Variants in DSCAML1 observed in about 807,000 individuals in gnomAD.
DSCAML1 encodes the protein cell adhesion molecule DSCAML1.
Under a neutral mutation model 200.5 loss-of-function variants are expected in DSCAML1, and 38 were observed. That is an observed-to-expected ratio of 0.19 (90% confidence interval 0.15 to 0.25). The LOEUF is 0.25. Among genes scored for constraint, DSCAML1 ranks in the 10% least tolerant of loss-of-function variants. The pLI, the probability that DSCAML1 is intolerant of heterozygous loss-of-function variation, is 1.00. For synonymous variants in DSCAML1, 1,215 were observed against 1,165.0 expected, an observed-to-expected ratio of 1.04 and a Z score of -0.87; for missense variants, 2,223 against 2,858.8, an observed-to-expected ratio of 0.78 and a Z score of 5.07.
At chr11:117,715,414 T>C (rs4245173) in intron 3 of DSCAML1, among the ~76,000 whole-genome samples, 145,119 of 152,246 alleles carry the variant, frequency 0.95, 69,336 homozygotes, top group South Asian at 0.99. Flanking sequence ...TAGAAGTTAA[T>C]GCACTTCAAT....
At chr11:117,630,888 C>T (rs10790197) in intron 3 of DSCAML1, among the ~76,000 whole-genome samples, 53,778 of 151,852 alleles carry the variant, frequency 0.35, 10,570 homozygotes, top group Admixed American at 0.53. Flanking sequence ...CTCAGCAGGT[C>T]GCATGAACTC....
Position 117,518,810 on chromosome 11 carries a change from A to C in DSCAML1, c.1214-48T>G. The C allele has an allele frequency of 6.4e-7, 1 of 1,559,756 alleles. No homozygotes were observed. ...TTCAGGGTCACCAAGCCATGGAGAG[A>C]CGGTCCCCCCAGCCACCCCACCTCA... On this transcript the variant is annotated intron_variant, in intron 6 of 32. Coordinates refer to ENST00000651296, the MANE Select transcript of DSCAML1 (RefSeq NM_020693.4). This position sits in a 1 kb window ranked among gnomAD's most constrained non-coding sequence, Gnocchi z 6.3.
rs747091305 is a variant in DSCAML1 at position 117,437,074 on chromosome 11, C to T, written c.4720+48G>A. On this transcript the variant is annotated intron_variant, in intron 26 of 32. Transcript: ENST00000651296. The surrounding 1 kb of genome is among the most constrained non-coding windows in gnomAD (Gnocchi z 5.3). ...TGCCACTCTGCCCACTTCCTTCGCA[C>T]CACCCTGCTCCAGCCTCTGTACCAT... 1.3e-6 allele frequency: 2 copies of T among 1,569,850 alleles called. No homozygotes were observed. The highest frequency in any genetic ancestry group is 1.7e-6 in the Non-Finnish European group (2 of 1,155,614).
chr11:117,704,080 GGAA>G (rs951346018), intron 3 of DSCAML1, among the ~76,000 whole-genome samples: 1 of 145,888 alleles, frequency 6.9e-6, no homozygotes, highest in African/African-American at 2.5e-5. Flanking sequence ...GAAAATGAGA[GGAA>G]GAAGGAGAAA....
intron 3 of DSCAML1, among the ~76,000 whole-genome samples, chr11:117,602,860 A>C (rs2051490240): frequency 6.6e-6 from 1 of 152,088 alleles, no homozygotes; most frequent in African/African-American, 2.4e-5. Flanking sequence ...GCACTTTGGG[A>C]AGCCGAGACA....
rs532838551 is a variant in DSCAML1, at chr11:117,505,695, G to A, written c.1821C>T (p.Ala607=). The change falls in exon 9 of 33, where the codon GCC becomes GCT. Residue 607 remains alanine (A), a synonymous_variant. Coordinates refer to ENST00000651296, the MANE Select transcript of DSCAML1 (RefSeq NM_020693.4). This position sits in a 1 kb window ranked among gnomAD's most constrained non-coding sequence, Gnocchi z 6.7. Reference sequence around the variant, plus strand: ...GAATGTAGAGCAGCTGGCCGATGGAGGCGGGTGGGAATTCGAAGGGCTGGA... The same window carrying A: ...GAATGTAGAGCAGCTGGCCGATGGAAGCGGGTGGGAATTCGAAGGGCTGGA... ...PLIQPFEFPP[A]SIGQLLYIPC... The A allele has an allele frequency of 5.3e-4, 858 of 1,613,070 alleles. 13 individuals are homozygous for A. In the South Asian group the frequency reaches 8.7e-3, roughly 16 times the overall value.
At chr11:117,730,488 C>T (rs1048470618) in intron 3 of DSCAML1, among the ~76,000 whole-genome samples, 4 of 152,198 alleles carry the variant, frequency 2.6e-5, no homozygotes, top group Middle Eastern at 3.2e-3. Context: ...TAAGCCACTA[C>T]ATTTGTGGTA....
At chr11:117,603,407 A>T (rs1323920576) in intron 3 of DSCAML1, among the ~76,000 whole-genome samples, 2 of 152,180 alleles carry the variant, frequency 1.3e-5, no homozygotes, top group Non-Finnish European at 2.9e-5. Context: ...GCTTATTTGG[A>T]TCTTTGCTCC....
chr11:117,738,949 T>G (rs1198401762), intron 3 of DSCAML1, among the ~76,000 whole-genome samples: 1 of 152,102 alleles, frequency 6.6e-6, no homozygotes, highest in Non-Finnish European at 1.5e-5. Context: ...ACTAGAACAG[T>G]CCACCAGAAG....
At chr11:117,659,545 C>T (rs927259729) in intron 3 of DSCAML1, among the ~76,000 whole-genome samples, 5 of 152,126 alleles carry the variant, frequency 3.3e-5, no homozygotes, top group East Asian at 1.9e-4. Context: ...TGTTTAAGCA[C>T]GGGTCTTATT....
In DSCAML1 at chr11:117,780,975, G is replaced by A. The variant is rs1333397787; in HGVS notation, c.47-165C>T. On this transcript the variant is annotated intron_variant, in intron 1 of 32. Coordinates refer to ENST00000651296, the MANE Select transcript of DSCAML1 (RefSeq NM_020693.4). The surrounding 1 kb of genome is among the most constrained non-coding windows in gnomAD (Gnocchi z 4.8). ...GACTATACACCAGGCACTGGCAAAG[G>A]TGAATCAGAGACAGTTCCTGATCTA... Among the ~76,000 whole-genome samples the A allele has an allele frequency of 6.6e-6, 1 of 152,160 alleles. No individual in the cohort carries two copies. Among genetic ancestry groups the A allele is most frequent in the Non-Finnish European group, 1.5e-5 (1 of 68,044 alleles).
chr11:117,497,001 T>G (rs977425661), intron 11 of DSCAML1, among the ~76,000 whole-genome samples: 1 of 152,196 alleles, frequency 6.6e-6, no homozygotes, highest in Non-Finnish European at 1.5e-5. Context: ...CCATGTTTCG[T>G]TGGTTCAGGC....
intron 3 of DSCAML1, among the ~76,000 whole-genome samples, chr11:117,769,074 A>C (rs1168121287): frequency 0.038 from 275 of 7,158 alleles, 6 homozygotes; most frequent in Admixed American, 0.05. Context: ...AAATATATAT[A>C]TAATCTATAT....
intron 3 of DSCAML1, among the ~76,000 whole-genome samples, chr11:117,734,954 G>A (rs2054291909): frequency 6.6e-6 from 1 of 152,162 alleles, no homozygotes; most frequent in Non-Finnish European, 1.5e-5. Context: ...GTGGGTGGCT[G>A]AAGTCATCTT....
At chr11:117,805,124 C>T (rs563976383) in intron 1 of DSCAML1, among the ~76,000 whole-genome samples, 2 of 152,288 alleles carry the variant, frequency 1.3e-5, no homozygotes, top group African/African-American at 4.8e-5. Context: ...ACTGAACTGG[C>T]CTCCTTGGCC....
chr11:117,492,671 G>A (rs765922544), intron 11 of DSCAML1, among the ~76,000 whole-genome samples: 5 of 152,194 alleles, frequency 3.3e-5, no homozygotes, highest in Non-Finnish European at 4.4e-5. Context: ...GCTGTTTGGC[G>A]GTGTGAGATA....
At chr11:117,440,830 A>G (rs756125156) in intron 21 of DSCAML1, among the ~76,000 whole-genome samples, 4 of 148,814 alleles carry the variant, frequency 2.7e-5, no homozygotes, top group Non-Finnish European at 5.9e-5. Flanking sequence ...CTGAGGCGAG[A>G]GAATCGCTTG....
chr11:117,815,077 G>A (rs2055793388), intron 1 of DSCAML1, among the ~76,000 whole-genome samples: 1 of 152,216 alleles, frequency 6.6e-6, no homozygotes, highest in Non-Finnish European at 1.5e-5. Flanking sequence ...TGTCAAGTGT[G>A]TCTTTTTGTC....
intron 3 of DSCAML1, among the ~76,000 whole-genome samples, chr11:117,745,193 G>A (rs1233800358): frequency 6.9e-6 from 1 of 144,870 alleles, no homozygotes; most frequent in Non-Finnish European, 1.5e-5. Context: ...GGGCACGTGG[G>A]AGGCTCACGG....
Sources: gnomAD v4.1 joint callset for allele counts (sites outside exome capture counted in the v4.1 genomes callset) on GRCh38, gnomAD v4.1.1 for gene constraint, Gnocchi (gnomAD v3.1) non-coding constraint, MANE v1.5 for transcripts, NCBI Gene and HGNC (gene_info 2026-07-23, HGNC 2026-07-21) for gene names.